Variants in FRMD4A observed in about 807,000 individuals in gnomAD.
The protein encoded by FRMD4A is FERM domain containing 4A, also known as FERM domain-containing protein 4A.
A neutral mutation model predicts 129.1 loss-of-function variants in FRMD4A; 29 were observed. The ratio of observed to expected loss-of-function variants is 0.22; its 90% CI spans 0.17 to 0.31. The LOEUF (loss-of-function observed/expected upper bound fraction) is 0.31, where lower values mean the gene tolerates loss of function less well. Ranked by LOEUF, FRMD4A falls within the 10% of genes least tolerant of loss-of-function variation. The pLI is 1.00. For missense variants in FRMD4A, 1,272 were observed against 1,375.8 expected (o/e 0.92, Z 1.19); for synonymous variants, 634 against 571.6 (o/e 1.11, Z -1.56).
intron 2 of FRMD4A, among the ~76,000 whole-genome samples, chr10:14,018,962 G>A (rs1314843504): frequency 4.6e-5 from 7 of 152,158 alleles, no homozygotes; most frequent in Admixed American, 4.6e-4. Flanking sequence ...TAAGTTATTA[G>A]TTAAGTGTGA....
At chr10:13,863,880 T>C (rs1367097238) in intron 2 of FRMD4A, among the ~76,000 whole-genome samples, 1 of 152,092 alleles carries the variant, frequency 6.6e-6, no homozygotes, top group Admixed American at 6.5e-5. Flanking sequence ...AGGCTTAGAT[T>C]GGAAACAGTC....
At chr10:13,881,509 G>A (rs1444330373) in intron 2 of FRMD4A, among the ~76,000 whole-genome samples, 1 of 152,168 alleles carries the variant, frequency 6.6e-6, no homozygotes, top group Non-Finnish European at 1.5e-5. Context: ...AGAAAGCAGA[G>A]CTCCCTAGCA....
chr10:14,041,002 C>T (rs1833757765), intron 2 of FRMD4A, among the ~76,000 whole-genome samples: 1 of 152,214 alleles, frequency 6.6e-6, no homozygotes, highest in South Asian at 2.1e-4. Flanking sequence ...GGAATAACTG[C>T]TCTACTTCCT....
At chr10:13,804,553 T>TCCTTCCTTCCTTCCTTCCTTCCTTCC (rs1564831516) in intron 4 of FRMD4A, among the ~76,000 whole-genome samples, 4 of 151,920 alleles carry the variant, frequency 2.6e-5, no homozygotes, top group Admixed American at 6.6e-5. Context: ...CTTTATTTCT[T>TCCTTCCTTCCTTCCTTCCTTCCTTCC]TTTTTTGTTG....
intron 2 of FRMD4A, among the ~76,000 whole-genome samples, chr10:13,928,771 G>C (rs1246176603): frequency 2.0e-5 from 3 of 152,144 alleles, no homozygotes; most frequent in East Asian, 3.9e-4. Context: ...AGTGCTAGGG[G>C]CTGGCTGGGC....
intron 2 of FRMD4A, among the ~76,000 whole-genome samples, chr10:13,886,201 A>G (rs1488315442): frequency 2.0e-5 from 3 of 147,926 alleles, no homozygotes; most frequent in Non-Finnish European, 3.0e-5. Context: ...ATGCATTATC[A>G]ATCTAATTCC....
At chr10:14,185,844 T>G (rs566563016) in intron 2 of FRMD4A, among the ~76,000 whole-genome samples, 1 of 152,186 alleles carries the variant, frequency 6.6e-6, no homozygotes, top group East Asian at 1.9e-4. Flanking sequence ...GAGACAGCCA[T>G]GGCCAGGTTT....
At chr10:14,059,030 T>G (rs1290173848) in intron 2 of FRMD4A, among the ~76,000 whole-genome samples, 1 of 151,714 alleles carries the variant, frequency 6.6e-6, no homozygotes, top group Non-Finnish European at 1.5e-5. Context: ...CAAAAAAAAA[T>G]GCAAAGCATA....
At chr10:13,833,106 T>C (rs10796134) in intron 3 of FRMD4A, among the ~76,000 whole-genome samples, 92,288 of 152,004 alleles carry the variant, frequency 0.61, 28,241 homozygotes, top group Middle Eastern at 0.71. Flanking sequence ...ATGGGTGCCA[T>C]GGATCTGCCA....
At chr10:13,941,004 G>A (rs1056256339) in intron 2 of FRMD4A, among the ~76,000 whole-genome samples, 3 of 152,192 alleles carry the variant, frequency 2.0e-5, no homozygotes, top group Admixed American at 1.3e-4. Flanking sequence ...CTCAGAAAGA[G>A]GACGGGGAAA....
chr10:13,691,480 A>G (rs1276872044), intron 15 of FRMD4A, among the ~76,000 whole-genome samples: 1 of 152,114 alleles, frequency 6.6e-6, no homozygotes, highest in Non-Finnish European at 1.5e-5. Flanking sequence ...GGGTTCTATG[A>G]GCCTGGGCAA....
chr10:14,188,351 C>T (rs1842212090), intron 2 of FRMD4A, among the ~76,000 whole-genome samples: 1 of 152,146 alleles, frequency 6.6e-6, no homozygotes, highest in South Asian at 2.1e-4. Context: ...TACAATTGGG[C>T]ACATAGCACT....
intron 2 of FRMD4A, among the ~76,000 whole-genome samples, chr10:14,132,762 G>A (rs1232250064): frequency 6.6e-6 from 1 of 152,230 alleles, no homozygotes; most frequent in Non-Finnish European, 1.5e-5. Flanking sequence ...TCCCACGCAG[G>A]CCCAGCTGCC....
At chr10:13,651,791 G>T (rs2081614455) in intron 24 of FRMD4A, 112 bp downstream of exon 24, 1 of 705,364 alleles carries the variant, frequency 1.4e-6, no homozygotes, top group Non-Finnish European at 2.6e-6. Context: ...TAGAAATAAG[G>T]CATAAATACA....
At chr10:14,042,248 C>T (rs1833807567) in intron 2 of FRMD4A, among the ~76,000 whole-genome samples, 2 of 152,186 alleles carry the variant, frequency 1.3e-5, no homozygotes, top group South Asian at 4.1e-4. Flanking sequence ...GTTCCTCTTC[C>T]TTATTTGAAG....
At chr10:13,699,413 G>C (rs922027925) in intron 14 of FRMD4A, among the ~76,000 whole-genome samples, 5 of 151,932 alleles carry the variant, frequency 3.3e-5, no homozygotes, top group African/African-American at 1.2e-4. Flanking sequence ...CTGTGTCAGT[G>C]AGTTGACCTG....
In FRMD4A at chr10:14,187,583, C is replaced by A. The variant is rs921847601; in HGVS notation, c.45+142475G>T. Among the ~76,000 whole-genome samples, 8 of 152,286 alleles carry A rather than the reference C, an allele frequency of 5.3e-5. 1 individual carries two copies. The highest frequency in any genetic ancestry group is 6.8e-3 in the Middle Eastern group (2 of 294). Reference sequence around the variant, plus strand: ...GAAAAAGATCAGCCAGATACAGTGGCTGGGAGGGCAACATAGTGAGACCCC... The same window carrying A: ...GAAAAAGATCAGCCAGATACAGTGGATGGGAGGGCAACATAGTGAGACCCC... On this transcript the variant is annotated intron_variant, in intron 2 of 24. Transcript: ENST00000357447.
intron 6 of FRMD4A, among the ~76,000 whole-genome samples, chr10:13,773,802 C>T (rs897789133): frequency 5.9e-5 from 9 of 152,172 alleles, no homozygotes; most frequent in Admixed American, 3.9e-4. Context: ...TTCCCTGACT[C>T]GCTCCTGTCT....
At chr10:14,162,056 C>A (rs1420034549) in intron 2 of FRMD4A, among the ~76,000 whole-genome samples, 8 of 150,774 alleles carry the variant, frequency 5.3e-5, no homozygotes, top group Admixed American at 5.3e-4. Context: ...ACAAATAAAT[C>A]TAATATATTT....
Sources: gnomAD v4.1 joint callset for allele counts (sites outside exome capture counted in the v4.1 genomes callset) on GRCh38, gnomAD v4.1.1 for gene constraint, MANE v1.5 for transcripts, NCBI Gene and HGNC (gene_info 2026-07-23, HGNC 2026-07-21) for gene names.